The following EVA1C variants were observed in gnomAD, a reference collection of about 807,000 sequenced individuals.
EVA1C encodes protein eva-1 homolog C.
A neutral mutation model predicts 45.4 loss-of-function variants in EVA1C; 25 were observed. The ratio of observed to expected loss-of-function variants is 0.55; its 90% CI spans 0.40 to 0.77. EVA1C has a LOEUF of 0.77. Among genes scored for constraint, EVA1C ranks in the 30% least tolerant of loss-of-function variants. The probability of loss-of-function intolerance (pLI) is 0.00; values close to 1 mark genes in which losing one functional copy is unlikely to be tolerated. For synonymous variants in EVA1C, 190 were observed against 221.2 expected (o/e 0.86, Z 1.25); for missense variants, 479 against 554.8 (o/e 0.86, Z 1.37).
intron 4 of EVA1C, among the ~76,000 whole-genome samples, chr21:32,476,548 G>A (rs546721385): frequency 3.5e-4 from 53 of 152,278 alleles, no homozygotes; most frequent in African/African-American, 8.9e-4. Context: ...GGCTGAGGCC[G>A]GAGAATCGCA....
intron 1 of EVA1C, among the ~76,000 whole-genome samples, chr21:32,435,851 T>TTAA (rs1368801115): frequency 6.5e-5 from 7 of 107,576 alleles, no homozygotes; most frequent in African/African-American, 1.8e-4. Context: ...TCCTTCTAAG[T>TTAA]AAAGAAAAAT....
At chr21:32,459,927 T>C (rs932135313) in intron 3 of EVA1C, among the ~76,000 whole-genome samples, 1 of 152,026 alleles carries the variant, frequency 6.6e-6, no homozygotes, top group African/African-American at 2.4e-5. Context: ...TTGGTTGTGA[T>C]ATTCTTTCAC....
At chr21:32,415,957 G>A (rs976439447) in intron 1 of EVA1C, among the ~76,000 whole-genome samples, 3 of 152,196 alleles carry the variant, frequency 2.0e-5, no homozygotes, top group African/African-American at 4.8e-5. Flanking sequence ...TTTGGCTTGA[G>A]ACGTCTAAAT....
intron 6 of EVA1C, among the ~76,000 whole-genome samples, chr21:32,501,915 TTTCCTTCCTCCCTTCC>T (rs1332156823): frequency 1.3e-5 from 2 of 151,778 alleles, no homozygotes; most frequent in African/African-American, 4.8e-5. Flanking sequence ...TCCTCTTTAG[TTTCCTTCCTCCCTTCC>T]TTCCTTCCTC....
intron 1 of EVA1C, among the ~76,000 whole-genome samples, chr21:32,434,795 C>G (rs1430724407): frequency 6.6e-6 from 1 of 152,262 alleles, no homozygotes; most frequent in African/African-American, 2.4e-5. Flanking sequence ...TGGAGCGTGG[C>G]CCTGACAATG....
intron 6 of EVA1C, 91 bp from the exon 7 acceptor site, chr21:32,503,835 C>A: frequency 1.3e-6 from 1 of 752,880 alleles, no homozygotes; most frequent in Non-Finnish European, 2.2e-6. Flanking sequence ...ATTATTCCGG[C>A]GGTCCCTGGG....
chr21:32,509,817 G>T (rs1423430518), intron 7 of EVA1C, among the ~76,000 whole-genome samples: 1 of 151,556 alleles, frequency 6.6e-6, no homozygotes, highest in Non-Finnish European at 1.5e-5. Flanking sequence ...AGGGAGGAAA[G>T]AACTTTCCAG....
chr21:32,420,428 A>G (rs1438342609), intron 1 of EVA1C, among the ~76,000 whole-genome samples: 4 of 152,232 alleles, frequency 2.6e-5, no homozygotes, highest in Non-Finnish European at 4.4e-5. Context: ...TCTGTCACCC[A>G]GGCTGGAATA....
chr21:32,428,737 A>C (rs553992163), intron 1 of EVA1C: 9 of 152,358 alleles, frequency 5.9e-5, no homozygotes, highest in Non-Finnish European at 1.3e-4. Context: ...GCTTTACTTT[A>C]AAGAATGTCA....
rs138763230 is a variant in EVA1C at position 32,498,789 on chromosome 21, C to G, written c.779-2626C>G. 9.4e-3 allele frequency among the ~76,000 whole-genome samples: 1,427 copies of G among 152,252 alleles called. 24 individuals are homozygous for G. Among genetic ancestry groups the G allele is most frequent in the African/African-American group, 0.032 (1,336 of 41,536 alleles). On this transcript the variant is annotated intron_variant, in intron 5 of 7. Coordinates refer to ENST00000300255, the MANE Select transcript of EVA1C (RefSeq NM_058187.5). ...GGTTTAAACTGCTGAGAACAGGGTC[C>G]TGCACACAGTAGGAGCTCCATGAAG... is the stretch of plus-strand genomic sequence containing the variant.
intron 5 of EVA1C, among the ~76,000 whole-genome samples, chr21:32,498,808 C>T (rs1475606319): frequency 6.6e-6 from 1 of 152,120 alleles, no homozygotes; most frequent in Non-Finnish European, 1.5e-5. Context: ...GTAGGAGCTC[C>T]ATGAAGAGTG....
intron 3 of EVA1C, among the ~76,000 whole-genome samples, chr21:32,467,396 C>T (rs566921015): frequency 6.6e-6 from 1 of 152,178 alleles, no homozygotes; most frequent in Admixed American, 6.5e-5. Context: ...TCCTTTCTAG[C>T]CAGGTCCTTC....
chr21:32,512,957 A>G (rs989474391), intron 7 of EVA1C, among the ~76,000 whole-genome samples: 1 of 151,580 alleles, frequency 6.6e-6, no homozygotes, highest in Non-Finnish European at 1.5e-5. Flanking sequence ...TTTGATCTGC[A>G]TATTACTTAC....
intron 4 of EVA1C, among the ~76,000 whole-genome samples, chr21:32,470,764 C>T (rs1444614811): frequency 2.7e-5 from 4 of 146,406 alleles, no homozygotes; most frequent in Admixed American, 2.7e-4. Context: ...CTTTTTCTTT[C>T]TTTTTTTTTT....
chr21:32,453,040 A>G (rs964858185), intron 1 of EVA1C: 1 of 387,152 alleles, frequency 2.6e-6, no homozygotes, highest in Non-Finnish European at 4.7e-6. Context: ...GCACAAGCCC[A>G]TGGGTGGAGC....
At chr21:32,439,228 A>G (rs1250097779) in intron 1 of EVA1C, among the ~76,000 whole-genome samples, 1 of 148,638 alleles carries the variant, frequency 6.7e-6, no homozygotes, top group Non-Finnish European at 1.5e-5. Context: ...CAACAGAGCA[A>G]GACTACATCT....
rs754993684 is a variant in EVA1C at position 32,495,185 on chromosome 21, C to CTGA, written c.778+15_778+16insTGA. On this transcript the variant is annotated intron_variant, in intron 5 of 7. Coordinates refer to ENST00000300255, the MANE Select transcript of EVA1C (RefSeq NM_058187.5). The stretch of plus-strand genomic sequence containing the variant: ...CTACGCATGTGGTAAGAACACACCC[C>CTGA]CGACCAGCTGCCTGATGACACTGCC... 1.2e-6 allele frequency: 2 copies of CTGA among 1,612,142 alleles called. No individual in the cohort carries two copies. Among genetic ancestry groups the CTGA allele is most frequent in the East Asian group, 4.5e-5 (2 of 44,848 alleles).
intron 1 of EVA1C, among the ~76,000 whole-genome samples, chr21:32,449,975 G>T (rs2035519085): frequency 6.6e-6 from 1 of 152,156 alleles, no homozygotes; most frequent in African/African-American, 2.4e-5. Context: ...AGGTTGTACT[G>T]CTGACGTGTC....
chr21:32,434,012 A>T (rs1370949883), intron 1 of EVA1C, among the ~76,000 whole-genome samples: 1 of 151,874 alleles, frequency 6.6e-6, no homozygotes, highest in East Asian at 1.9e-4. Flanking sequence ...ATAATAAAAT[A>T]GGCCAGGCGC....
Sources: allele counts gnomAD v4.1 joint callset (sites outside exome capture counted in the v4.1 genomes callset), GRCh38; gene constraint gnomAD v4.1.1; transcripts MANE v1.5; gene names NCBI Gene and HGNC (gene_info 2026-07-23, HGNC 2026-07-21).